ANKS1A: variants seen among roughly 807,000 people sequenced by gnomAD.
ANKS1A encodes the protein ankyrin repeat and sterile alpha motif domain containing 1A.
In ANKS1A, 55 loss-of-function variants were observed where a neutral mutation model predicts 120.3. The observed-to-expected ratio is 0.46, with a 90% CI of 0.37 to 0.57. ANKS1A has a LOEUF of 0.57. ANKS1A is among the 20% of genes least tolerant of loss of function. The pLI is 0.00. For synonymous variants in ANKS1A, 590 were observed against 604.7 expected (o/e 0.98, Z 0.36); for missense variants, 1,123 against 1,480.3 (o/e 0.76, Z 3.96).
At position 35,050,942 on chromosome 6, in the gene ANKS1A, G is replaced by A. The variant is rs1014792179; in HGVS notation, c.2011-3157G>A. On this transcript the variant is annotated intron_variant, in intron 11 of 23. Transcript: ENST00000360359. The surrounding 1 kb of genome is among the most constrained non-coding windows in gnomAD (Gnocchi z 4.3). ...AGCTCAGCTTGACTTAGCCATGGCA[G>A]TTCACAGAACAATAGAACAACTTCC... 7.2e-5 allele frequency among the ~76,000 whole-genome samples: 11 copies of A among 152,154 alleles called. No homozygotes were observed. The highest frequency in any genetic ancestry group is 1.0e-4 in the Non-Finnish European group (7 of 68,034).
chr6:35,042,682 G>A (rs903606837), intron 11 of ANKS1A, among the ~76,000 whole-genome samples: 6 of 152,178 alleles, frequency 3.9e-5, no homozygotes, highest in African/African-American at 1.2e-4. Context: ...AAAGGGTGCC[G>A]GCAGGGCACC....
chr6:35,087,417 G>A (rs6942104), intron 23 of ANKS1A, among the ~76,000 whole-genome samples: 27,323 of 152,142 alleles, frequency 0.18, 3,059 homozygotes, highest in African/African-American at 0.29. Context: ...GGATCCCAAC[G>A]GCACTGATAG....
At chr6:34,924,427 A>G (rs762084657) in intron 1 of ANKS1A, among the ~76,000 whole-genome samples, 1 of 152,088 alleles carries the variant, frequency 6.6e-6, no homozygotes, top group Non-Finnish European at 1.5e-5. Flanking sequence ...CTACAAAGGC[A>G]TTTTCCTGTT....
In ANKS1A at chr6:34,982,676, G is replaced by A. The variant is rs1771963124; in HGVS notation, c.733-76G>A. On this transcript the variant is annotated intron_variant, in intron 4 of 23. Coordinates refer to ENST00000360359, the MANE Select transcript of ANKS1A (RefSeq NM_015245.3). This position sits in a 1 kb window ranked among gnomAD's most constrained non-coding sequence, Gnocchi z 4.9. ...TTTTATTTTGTGTCCCTTCTTGTCT[G>A]TGTCCCCTTTGTCACGTGAAGCCGC... is the stretch of plus-strand genomic sequence containing the variant. The A allele has an allele frequency of 1.4e-6, 2 of 1,388,410 alleles. No individual in the cohort carries two copies. Among genetic ancestry groups the A allele is most frequent in the South Asian group, 1.2e-5 (1 of 86,442 alleles). The allele number at this position is 1,388,410 out of a possible 1,614,324, so 86.0% of individuals were successfully genotyped here.
At chr6:35,006,096 G>A (rs1362257134) in intron 10 of ANKS1A, among the ~76,000 whole-genome samples, 2 of 151,254 alleles carry the variant, frequency 1.3e-5, no homozygotes, top group East Asian at 1.9e-4. Context: ...GCTGAGGCAG[G>A]AGAATCGCTT....
chr6:34,893,284 T>A (rs1044810070), intron 1 of ANKS1A, among the ~76,000 whole-genome samples: 3 of 152,180 alleles, frequency 2.0e-5, no homozygotes, highest in South Asian at 2.1e-4. Flanking sequence ...CTGTGCAAAG[T>A]ACCATGCCAG....
intron 1 of ANKS1A, among the ~76,000 whole-genome samples, 171 bp from the exon 2 acceptor site, chr6:34,967,068 A>G (rs1393385940): frequency 6.6e-6 from 1 of 152,248 alleles, no homozygotes; most frequent in African/African-American, 2.4e-5. Flanking sequence ...CCTCAGTGCT[A>G]TGCATCTCTG....
intron 10 of ANKS1A, among the ~76,000 whole-genome samples, chr6:35,006,314 CA>C (rs568475979): frequency 3.5e-3 from 401 of 114,992 alleles, no homozygotes; most frequent in Middle Eastern, 6.0e-3. Context: ...GGCTCTGTCT[CA>C]AAAAAAAAAA....
In ANKS1A at chr6:35,018,070, C is replaced by T; in HGVS notation, c.2010+11C>T. On this transcript the variant is annotated intron_variant, in intron 11 of 23. Coordinates refer to ENST00000360359, the MANE Select transcript of ANKS1A (RefSeq NM_015245.3). ...TCGGAGTGGGATGAGGTAAGGCCGACATGACGTCACAGGGAGCTGGGCTGG... is the reference window on the plus strand; with the variant it reads ...TCGGAGTGGGATGAGGTAAGGCCGATATGACGTCACAGGGAGCTGGGCTGG... 1 of 1,609,326 alleles carries T rather than the reference C, an allele frequency of 6.2e-7. No individual in the cohort carries two copies. The highest frequency in any genetic ancestry group is 2.2e-5 in the East Asian group (1 of 44,856).
chr6:35,029,151 C>T (rs980322609), intron 11 of ANKS1A, among the ~76,000 whole-genome samples: 11 of 151,218 alleles, frequency 7.3e-5, no homozygotes, highest in African/African-American at 2.7e-4. Context: ...TATTCCTTTT[C>T]TCTTTTTTTT....
At chr6:35,030,549 T>C (rs780259827) in intron 11 of ANKS1A, among the ~76,000 whole-genome samples, 3 of 152,200 alleles carry the variant, frequency 2.0e-5, no homozygotes, top group Non-Finnish European at 2.9e-5. Context: ...ACTTGACTGG[T>C]TTAAAAATAA....
At chr6:34,913,621 T>G (rs1004241860) in intron 1 of ANKS1A, among the ~76,000 whole-genome samples, 3 of 150,850 alleles carry the variant, frequency 2.0e-5, no homozygotes, top group Non-Finnish European at 4.4e-5. Context: ...CAAAATAGTT[T>G]GTTGTTGTTG....
intron 1 of ANKS1A, among the ~76,000 whole-genome samples, chr6:34,935,774 C>A (rs965379608): frequency 1.3e-5 from 2 of 152,232 alleles, no homozygotes; most frequent in South Asian, 4.2e-4. Context: ...AATACTTTCT[C>A]CTGGTGGGCC....
At chr6:34,987,569 T>A (rs1772276763) in intron 8 of ANKS1A, among the ~76,000 whole-genome samples, 1 of 152,200 alleles carries the variant, frequency 6.6e-6, no homozygotes, top group Admixed American at 6.5e-5. Flanking sequence ...TAGTGGGACA[T>A]CTGATATAAA....
In ANKS1A at chr6:35,047,831, T is replaced by C. The variant is rs138047140; in HGVS notation, c.2011-6268T>C. On this transcript the variant is annotated intron_variant, in intron 11 of 23. Transcript: ENST00000360359. Reference sequence around the variant, plus strand: ...TTTGGCAAGTATTGGTTCCGTGTATTTCCTTCACGTCATGTCAAGTCAGGG... The same window carrying C: ...TTTGGCAAGTATTGGTTCCGTGTATCTCCTTCACGTCATGTCAAGTCAGGG... Among the ~76,000 whole-genome samples, 138 of 152,366 alleles carry C rather than the reference T, an allele frequency of 9.1e-4. 2 individuals are homozygous for C. The highest frequency in any genetic ancestry group is 3.4e-3 in the Middle Eastern group (1 of 294).
chr6:34,940,844 G>A (rs1769489139), intron 1 of ANKS1A, among the ~76,000 whole-genome samples: 1 of 151,456 alleles, frequency 6.6e-6, no homozygotes, highest in African/African-American at 2.4e-5. Context: ...GCAGGCGGAG[G>A]TTGCAGTGAG....
intron 1 of ANKS1A, among the ~76,000 whole-genome samples, chr6:34,895,196 T>TG (rs1032528823): frequency 4.1e-4 from 6 of 14,782 alleles, no homozygotes; most frequent in Non-Finnish European, 2.0e-3. Context: ...AGGACTTTGG[T>TG]TTTTTTTTTT....
chr6:34,891,136 C>G (rs2127438032), intron 1 of ANKS1A, among the ~76,000 whole-genome samples: 1 of 152,200 alleles, frequency 6.6e-6, no homozygotes, highest in Admixed American at 6.5e-5. Context: ...AGGAGGGAGA[C>G]TTAAGCTGGC....
chr6:35,077,352 C>T (rs948827425), intron 13 of ANKS1A, among the ~76,000 whole-genome samples: 2 of 152,228 alleles, frequency 1.3e-5, no homozygotes, highest in African/African-American at 4.8e-5. Context: ...CTAGATGATG[C>T]TGCAGCTTGT....
Sources: gnomAD v4.1 joint callset for allele counts (sites outside exome capture counted in the v4.1 genomes callset) on GRCh38, gnomAD v4.1.1 for gene constraint, Gnocchi (gnomAD v3.1) non-coding constraint, MANE v1.5 for transcripts, NCBI Gene and HGNC (gene_info 2026-07-23, HGNC 2026-07-21) for gene names.